WWOX: variants seen among roughly 807,000 people sequenced by gnomAD.
WWOX encodes WW domain containing oxidoreductase, also known as WW domain-containing oxidoreductase.
In WWOX, 69 loss-of-function variants were observed where a neutral mutation model predicts 46.2. The ratio of observed to expected loss-of-function variants is 1.49; its 90% CI spans 1.23 to 1.82. The LOEUF is 1.82. WWOX is among the 40% of genes most tolerant of loss of function. The probability of loss-of-function intolerance (pLI) is 0.00; values close to 1 mark genes in which losing one functional copy is unlikely to be tolerated. For synonymous variants in WWOX, 359 were observed against 202.6 expected (o/e 1.77, Z -6.56); for missense variants, 919 against 542.6 (o/e 1.69, Z -6.89).
At chr16:78,678,204 A>G (rs550653548) in intron 8 of WWOX, among the ~76,000 whole-genome samples, 4 of 152,102 alleles carry the variant, frequency 2.6e-5, no homozygotes, top group Non-Finnish European at 5.9e-5. Flanking sequence ...GGTAGATTAC[A>G]TGCTTAATGA....
At chr16:78,397,432 C>A (rs1290034615) in intron 6 of WWOX, among the ~76,000 whole-genome samples, 2 of 152,074 alleles carry the variant, frequency 1.3e-5, no homozygotes, top group Admixed American at 6.6e-5. Context: ...AATGGTTCAG[C>A]CTGGTGCAAT....
chr16:78,452,500 G>A (rs1189827069), intron 8 of WWOX, among the ~76,000 whole-genome samples: 1 of 120,350 alleles, frequency 8.3e-6, no homozygotes, highest in Middle Eastern at 4.4e-3. Context: ...TTTTTGAGAC[G>A]GAGTCTTATT....
At chr16:78,208,024 G>T (rs2036448555) in intron 5 of WWOX, among the ~76,000 whole-genome samples, 1 of 152,156 alleles carries the variant, frequency 6.6e-6, no homozygotes, top group South Asian at 2.1e-4. Context: ...TGTTGGCCAG[G>T]CTGGTCTCGG....
At chr16:78,523,856 G>A (rs1178167384) in intron 8 of WWOX, among the ~76,000 whole-genome samples, 1 of 152,234 alleles carries the variant, frequency 6.6e-6, no homozygotes, top group Non-Finnish European at 1.5e-5. Flanking sequence ...CCATAGTGCA[G>A]CTAGGAGCTA....
chr16:78,235,368 G>C (rs2037401487), intron 5 of WWOX, among the ~76,000 whole-genome samples: 1 of 152,136 alleles, frequency 6.6e-6, no homozygotes, highest in African/African-American at 2.4e-5. Flanking sequence ...AGCCTGCCAG[G>C]CCGGCTCATC....
At chr16:78,391,063 A>C (rs1193777112) in intron 6 of WWOX, among the ~76,000 whole-genome samples, 2 of 152,158 alleles carry the variant, frequency 1.3e-5, no homozygotes, top group African/African-American at 2.4e-5. Flanking sequence ...AAAGGTAGAA[A>C]CAGATTCTTA....
chr16:78,597,124 C>G (rs975175002), intron 8 of WWOX, among the ~76,000 whole-genome samples: 1 of 152,138 alleles, frequency 6.6e-6, no homozygotes, highest in African/African-American at 2.4e-5. Flanking sequence ...TGCTCCTGAC[C>G]TATTGCTTTG....
intron 8 of WWOX, among the ~76,000 whole-genome samples, chr16:78,702,279 C>G (rs1009630238): frequency 1.3e-5 from 2 of 149,670 alleles, no homozygotes; most frequent in African/African-American, 2.5e-5. Context: ...GACTTTGTCT[C>G]AAAAATAAAA....
chr16:78,403,756 A>G (rs2082465922), intron 6 of WWOX, among the ~76,000 whole-genome samples: 1 of 152,232 alleles, frequency 6.6e-6, no homozygotes, highest in African/African-American at 2.4e-5. Context: ...TTCAGTTGTA[A>G]GAGTAAATGT....
At chr16:78,526,696 G>A (rs909051822) in intron 8 of WWOX, among the ~76,000 whole-genome samples, 2 of 152,152 alleles carry the variant, frequency 1.3e-5, no homozygotes, top group East Asian at 3.9e-4. Context: ...TGTCAAGACT[G>A]CAGCCTTTGC....
intron 8 of WWOX, among the ~76,000 whole-genome samples, chr16:78,796,149 T>C (rs995168665): frequency 6.6e-5 from 10 of 152,242 alleles, no homozygotes; most frequent in African/African-American, 2.2e-4. Context: ...TTCCAGGACT[T>C]TCTTCCTTAA....
intron 8 of WWOX, among the ~76,000 whole-genome samples, chr16:78,594,207 T>C (rs2045422014): frequency 6.6e-6 from 1 of 152,044 alleles, no homozygotes; most frequent in Non-Finnish European, 1.5e-5. Context: ...TAACCCCATA[T>C]ACGAAGCAAA....
intron 8 of WWOX, among the ~76,000 whole-genome samples, chr16:79,109,926 A>G (rs192293389): frequency 2.6e-5 from 4 of 152,336 alleles, no homozygotes; most frequent in Admixed American, 2.0e-4. Flanking sequence ...TTGGAGTAGT[A>G]TGTGAGCTTA....
intron 8 of WWOX, among the ~76,000 whole-genome samples, chr16:78,483,257 G>A (rs1338600706): frequency 2.6e-5 from 4 of 152,106 alleles, no homozygotes; most frequent in African/African-American, 9.7e-5. Context: ...TCTTTGAAAT[G>A]GATTTACTCT....
chr16:79,115,416 G>C (rs1017158151), intron 8 of WWOX, among the ~76,000 whole-genome samples: 34 of 150,666 alleles, frequency 2.3e-4, no homozygotes, highest in Admixed American at 1.3e-4. Flanking sequence ...AAGTGAACAG[G>C]AAGCCCAGAG....
intron 8 of WWOX, among the ~76,000 whole-genome samples, chr16:78,754,579 T>G (rs532923343): frequency 6.6e-6 from 1 of 152,180 alleles, no homozygotes; most frequent in Admixed American, 6.5e-5. Context: ...ATTCATTTTC[T>G]CATTTATCAA....
chr16:78,419,425 G>A (rs1266084479), intron 6 of WWOX, among the ~76,000 whole-genome samples: 1 of 151,866 alleles, frequency 6.6e-6, no homozygotes, highest in Non-Finnish European at 1.5e-5. Flanking sequence ...TGTCATATTG[G>A]CATAAGAATA....
At chr16:78,322,055 A>G (rs1019063115) in intron 5 of WWOX, among the ~76,000 whole-genome samples, 1 of 152,146 alleles carries the variant, frequency 6.6e-6, no homozygotes, top group Non-Finnish European at 1.5e-5. Flanking sequence ...TTGCCTAAAT[A>G]TTTGGCTCCT....
chr16:78,224,647 C>T (rs1231724446), intron 5 of WWOX, among the ~76,000 whole-genome samples: 1 of 152,078 alleles, frequency 6.6e-6, no homozygotes, highest in East Asian at 1.9e-4. Flanking sequence ...TAGTACACAC[C>T]AGTGAGTGAT....
Sources: allele counts gnomAD v4.1 joint callset (sites outside exome capture counted in the v4.1 genomes callset), GRCh38; gene constraint gnomAD v4.1.1; transcripts MANE v1.5; gene names NCBI Gene and HGNC (gene_info 2026-07-23, HGNC 2026-07-21).